The following CLTCL1 variants were observed in gnomAD, a reference collection of about 807,000 sequenced individuals.
CLTCL1 encodes the protein clathrin heavy chain 2.
Under a neutral mutation model 190.0 loss-of-function variants are expected in CLTCL1, and 159 were observed. That is an observed-to-expected ratio of 0.84 (90% confidence interval 0.74 to 0.95). The LOEUF is 0.95. Ranked by LOEUF, CLTCL1 falls within the 40% of genes least tolerant of loss-of-function variation. The pLI is 0.00. For synonymous variants in CLTCL1, 752 were observed against 769.6 expected (o/e 0.98, Z 0.38); for missense variants, 1,878 against 2,033.4 (o/e 0.92, Z 1.47).
At position 19,180,231 on chromosome 22, in the gene CLTCL1, A is replaced by C. The variant is rs781838996; in HGVS notation, c.4911T>G (p.Asp1637Glu). Residue 1637 changes from aspartate (D) to glutamate (E), a missense_variant, in exon 32 of 33, where the codon GAT becomes GAG. Coordinates refer to ENST00000427926, the MANE Select transcript of CLTCL1 (RefSeq NM_007098.4). ...AATCAGCTGGGTCTCATTCATGCCC[A>C]TCAAAATCTAAAAAAACCAGAATGA... ...TEPAPLVFDF[D>E]GHE 9.9e-6 allele frequency: 16 copies of C among 1,613,792 alleles called. No individual in the cohort carries two copies. Among genetic ancestry groups the C allele is most frequent in the Non-Finnish European group, 1.3e-5 (15 of 1,179,862 alleles).
At chr22:19,203,384 TTC>T (rs1300110562) in intron 22 of CLTCL1, among the ~76,000 whole-genome samples, 1 of 152,202 alleles carries the variant, frequency 6.6e-6, no homozygotes, top group East Asian at 1.9e-4. Context: ...GTCAGCCTGT[TTC>T]CATGCTTCCC....
intron 22 of CLTCL1, among the ~76,000 whole-genome samples, chr22:19,202,534 ACCCCTCCTTCTGTCATCCATGGCACCT>A (rs2084929125): frequency 4.2e-5 from 1 of 23,684 alleles, no homozygotes; most frequent in Non-Finnish European, 7.8e-5. Flanking sequence ...CTCCCCCACC[ACCCCTCCTTCTGTCATCCATGGCACCT>A]CCCCTCCTTC....
chr22:19,230,921 C>T (rs1555958813), intron 10 of CLTCL1, among the ~76,000 whole-genome samples: 2 of 151,792 alleles, frequency 1.3e-5, no homozygotes, highest in Non-Finnish European at 2.9e-5. Flanking sequence ...GCTGGGGGCA[C>T]AAAAAAGGAA....
At position 19,226,256 on chromosome 22, in the gene CLTCL1, T is replaced by C. The variant is rs185415005; in HGVS notation, c.1910A>G (p.Lys637Arg). 2.7e-5 allele frequency: 44 copies of C among 1,613,998 alleles called. No homozygotes were observed. In the East Asian group the frequency reaches 8.0e-4, roughly 29 times the overall value. ...GAGGTGAGTGTGGACCACAGCCCTC[T>C]TGATGTCATAGAGGTCGGTGTAGTG... ...LEHYTDLYDI[K>R]RAVVHTHLLN... The change falls in exon 12 of 33, where the codon AAG (lysine) becomes AGG (arginine). Residue 637 changes from lysine (K) to arginine (R), a missense_variant. Physicochemically the swap from Lys to Arg is conservative, Grantham distance 26. Transcript: ENST00000427926.
intron 29 of CLTCL1, 154 bp from the exon 30 acceptor site, chr22:19,183,765 T>C (rs1433848940): frequency 2.8e-6 from 2 of 703,188 alleles, no homozygotes; most frequent in African/African-American, 3.5e-5. Context: ...CCATTCCCTA[T>C]GCCCTGCTGC....
chr22:19,249,798 C>A, intron 3 of CLTCL1: 1 of 233,398 alleles, frequency 4.3e-6, no homozygotes. Flanking sequence ...TTTCCCTTCC[C>A]TTTAATCAGA....
Position 19,198,495 on chromosome 22 carries a change from C to T in CLTCL1, c.3873+1239G>A, listed in dbSNP as rs1555937158. ...ATCTGGCCCTCCGTCAGCCTCTCTG[C>T]CCCATCTCTGGCTCCAGCCCCTTCC... is the stretch of plus-strand genomic sequence containing the variant. On this transcript the variant is annotated intron_variant, in intron 24 of 32. Transcript: ENST00000427926. The surrounding 1 kb of genome is among the most constrained non-coding windows in gnomAD (Gnocchi z 4.1). Among the ~76,000 whole-genome samples, 2 of 152,196 alleles carry T rather than the reference C, an allele frequency of 1.3e-5. No individual in the cohort carries two copies. The highest frequency in any genetic ancestry group is 2.9e-5 in the Non-Finnish European group (2 of 68,034).
rs1569214884 is a variant in CLTCL1, at chr22:19,242,806, C to T, written c.650G>A (p.Cys217Tyr). ...TCCTGTGGGATTACGTACAGCAAAG[C>T]AGAAAAGGGTGGCAGGCTTGGCATT... The part of the protein sequence containing the change: ...EGNAKPATLF[C>Y]FAVRNPTGGK... The change falls in exon 4 of 33, where the codon TGC becomes TAC. Residue 217 changes from cysteine to tyrosine, a missense_variant. By Grantham distance (194) the Cys-to-Tyr change is radical. Transcript: ENST00000427926. 1 of 1,613,912 alleles carries T rather than the reference C, an allele frequency of 6.2e-7. No individual in the cohort carries two copies. Among genetic ancestry groups the T allele is most frequent in the South Asian group, 1.1e-5 (1 of 91,080 alleles).
At position 19,247,496 on chromosome 22, in the gene CLTCL1, A is replaced by C. The variant is rs192415225; in HGVS notation, c.520-4560T>G. ...TGTTTTATATTCTTCAAACATGATG[A>C]TTTCTTTGTAAAGAGGCATAATTCC... On this transcript the variant is annotated intron_variant, in intron 3 of 32. Coordinates refer to ENST00000427926, the MANE Select transcript of CLTCL1 (RefSeq NM_007098.4). Among the ~76,000 whole-genome samples, 439 of 152,276 alleles carry C rather than the reference A, an allele frequency of 2.9e-3. 2 individuals are homozygous for C. Among genetic ancestry groups the C allele is most frequent in the African/African-American group, 0.01 (431 of 41,542 alleles).
intron 12 of CLTCL1, 44 bp downstream of exon 12, chr22:19,226,175 C>A: frequency 1.3e-6 from 2 of 1,593,202 alleles, no homozygotes; most frequent in Middle Eastern, 2.1e-4. Flanking sequence ...ACATTAATTG[C>A]ATAGACAACA....
chr22:19,180,170 A>G (rs1555925108), intron 32 of CLTCL1, 29 bp downstream of exon 32: 3 of 1,604,680 alleles, frequency 1.9e-6, no homozygotes, highest in Non-Finnish European at 2.6e-6. Context: ...TGGCTAGAGG[A>G]TAAGCTAGTC....
intron 32 of CLTCL1, 41 bp from the exon 33 acceptor site, chr22:19,180,010 C>A: frequency 1.7e-6 from 1 of 605,546 alleles, no homozygotes. Flanking sequence ...GCTCTTCCTG[C>A]CCATGGGGGT....
chr22:19,218,895 T>C (rs2085475826), intron 18 of CLTCL1, among the ~76,000 whole-genome samples: 1 of 152,092 alleles, frequency 6.6e-6, no homozygotes, highest in Admixed American at 6.5e-5. Context: ...CACAGGGGCA[T>C]AAAGAGCACC....
At chr22:19,187,870 G>A in intron 28 of CLTCL1, 111 bp downstream of exon 28, 3 of 1,341,148 alleles carry the variant, frequency 2.2e-6, no homozygotes, top group Non-Finnish European at 3.2e-6. Flanking sequence ...CTGGTGTCCT[G>A]TGGGGCCTGC....
chr22:19,244,372 A>G (rs1555967077), intron 3 of CLTCL1, among the ~76,000 whole-genome samples: 1 of 152,222 alleles, frequency 6.6e-6, no homozygotes, highest in East Asian at 1.9e-4. Context: ...CACCTATGAA[A>G]TATCCAGAAA....
rs781824901 is a variant in CLTCL1, at chr22:19,221,464, G to A, written c.2709C>T (p.Ser903=). The stretch of plus-strand genomic sequence containing the variant: ...GCTTCTCACAGTAGCGGCCCACCAC[G>A]CTGCTGTCATAGTAGGCATTCTCTC... The part of the protein sequence containing the change: ...FLRENAYYDS[S]VVGRYCEKRD... Residue 903 remains serine (S), a synonymous_variant, in exon 17 of 33, where the codon AGC becomes AGT. Transcript: ENST00000427926. 22 of 1,585,564 alleles carry A rather than the reference G, an allele frequency of 1.4e-5. No individual in the cohort carries two copies. The highest frequency in any genetic ancestry group is 3.3e-4 in the Middle Eastern group (2 of 6,062).
intron 4 of CLTCL1, among the ~76,000 whole-genome samples, chr22:19,240,795 T>C (rs2086229631): frequency 6.6e-6 from 1 of 152,146 alleles, no homozygotes; most frequent in South Asian, 2.1e-4. Context: ...GCTTGACTGC[T>C]ATGGGTTCTT....
chr22:19,216,193 A>G lies in CLTCL1; in HGVS notation c.2983T>C (p.Phe995Leu). The G allele has an allele frequency of 6.2e-7, 1 of 1,613,782 alleles. No homozygotes were observed. Among genetic ancestry groups the G allele is most frequent in the East Asian group, 2.2e-5 (1 of 44,888 alleles). ...TCATTAGGCAGGTCGGCTGTCATAA[A>G]GGCTTTGACAGTGACCGAAATCTCT... ...PEEISVTVKA[F>L]MTADLPNELI... is the part of the protein sequence containing the mutation. The change falls in exon 19 of 33, where the codon TTT becomes CTT. Residue 995 changes from phenylalanine (F) to leucine (L), a missense_variant. Transcript: ENST00000427926.
At position 19,196,341 on chromosome 22, in the gene CLTCL1, G is replaced by C; in HGVS notation, c.4116C>G (p.Asp1372Glu). The C allele has an allele frequency of 6.2e-7, 1 of 1,614,024 alleles. No homozygotes were observed. The highest frequency in any genetic ancestry group is 8.5e-7 in the Non-Finnish European group (1 of 1,179,894). ...GGCTCATCATGGTGAGCACAGCATT[G>C]TCATACTCCTCGTACTTGTCATAGA... Reference protein sequence around the residue: ...VFLYDKYEEYDNAVLTMMSHP... With the variant: ...VFLYDKYEEYENAVLTMMSHP... The change falls in exon 26 of 33, where the codon GAC (aspartate) becomes GAG (glutamate). Residue 1372 changes from aspartate to glutamate, a missense_variant. Coordinates refer to ENST00000427926, the MANE Select transcript of CLTCL1 (RefSeq NM_007098.4).
Sources: gnomAD v4.1 joint callset for allele counts (sites outside exome capture counted in the v4.1 genomes callset) on GRCh38, gnomAD v4.1.1 for gene constraint, Gnocchi (gnomAD v3.1) non-coding constraint, MANE v1.5 for transcripts, NCBI Gene and HGNC (gene_info 2026-07-23, HGNC 2026-07-21) for gene names.